Variants in MAGI1 observed in about 807,000 individuals in gnomAD.
MAGI1 encodes the protein membrane-associated guanylate kinase, WW and PDZ domain-containing protein 1.
Under a neutral mutation model 139.9 loss-of-function variants are expected in MAGI1, and 58 were observed. The observed-to-expected ratio is 0.41, with a 90% CI of 0.34 to 0.52. MAGI1 has a LOEUF of 0.52. Among genes scored for constraint, MAGI1 ranks in the 20% least tolerant of loss-of-function variants. The probability of loss-of-function intolerance (pLI) is 0.12; values close to 1 mark genes in which losing one functional copy is unlikely to be tolerated. For synonymous variants in MAGI1, 812 were observed against 737.9 expected, an observed-to-expected ratio of 1.10 and a Z score of -1.63; for missense variants, 1,874 against 1,901.6, an observed-to-expected ratio of 0.99 and a Z score of 0.27.
intron 2 of MAGI1, among the ~76,000 whole-genome samples, chr3:65,581,452 G>A (rs1006406185): frequency 6.6e-6 from 1 of 152,052 alleles, no homozygotes; most frequent in African/African-American, 2.4e-5. Context: ...CACATGACCC[G>A]ATTCTCTATT....
At chr3:65,677,298 C>T (rs1215805440) in intron 1 of MAGI1, among the ~76,000 whole-genome samples, 1 of 151,872 alleles carries the variant, frequency 6.6e-6, no homozygotes, top group African/African-American at 2.4e-5. Context: ...TTACTATTGG[C>T]CAGCTAGGGT....
intron 2 of MAGI1, among the ~76,000 whole-genome samples, chr3:65,571,531 C>T (rs2080959883): frequency 6.6e-6 from 1 of 151,888 alleles, no homozygotes. Context: ...CCTTTAAAAG[C>T]AAGTAATGAT....
intron 2 of MAGI1, among the ~76,000 whole-genome samples, chr3:65,614,686 C>G (rs963283962): frequency 2.0e-5 from 3 of 152,038 alleles, no homozygotes; most frequent in Non-Finnish European, 4.4e-5. Flanking sequence ...CATGGTACAA[C>G]TAACCAAACA....
At chr3:65,605,494 C>A (rs1270785150) in intron 2 of MAGI1, among the ~76,000 whole-genome samples, 1 of 152,146 alleles carries the variant, frequency 6.6e-6, no homozygotes, top group Non-Finnish European at 1.5e-5. Flanking sequence ...GTAGGCCATG[C>A]ACAACTGTAA....
intron 2 of MAGI1, among the ~76,000 whole-genome samples, chr3:65,509,082 C>G (rs578215130): frequency 1.2e-4 from 18 of 152,316 alleles, no homozygotes; most frequent in Non-Finnish European, 1.9e-4. Flanking sequence ...GTTAGGCTCT[C>G]ATTTTCTGGG....
At chr3:65,526,886 A>G (rs1357161058) in intron 2 of MAGI1, among the ~76,000 whole-genome samples, 2 of 152,208 alleles carry the variant, frequency 1.3e-5, no homozygotes, top group Non-Finnish European at 2.9e-5. Flanking sequence ...ATCAATCATT[A>G]ACAGTAACTC....
chr3:65,427,266 G>A (rs915906893), intron 12 of MAGI1, among the ~76,000 whole-genome samples: 11 of 151,956 alleles, frequency 7.2e-5, no homozygotes, highest in African/African-American at 2.7e-4. Flanking sequence ...GAGCTGAGAT[G>A]GCACCACTGC....
At chr3:65,824,813 A>G (rs1392006008) in intron 1 of MAGI1, among the ~76,000 whole-genome samples, 5 of 152,244 alleles carry the variant, frequency 3.3e-5, no homozygotes, top group African/African-American at 1.2e-4. Flanking sequence ...GTAAGTTATA[A>G]GAAATATCTC....
chr3:65,515,287 T>G (rs2077811117), intron 2 of MAGI1, among the ~76,000 whole-genome samples: 1 of 151,692 alleles, frequency 6.6e-6, no homozygotes, highest in Non-Finnish European at 1.5e-5. Flanking sequence ...TGTGCACATG[T>G]ACCCTAAAAC....
At chr3:65,460,469 C>T (rs1224138778) in intron 5 of MAGI1, among the ~76,000 whole-genome samples, 1 of 151,736 alleles carries the variant, frequency 6.6e-6, no homozygotes, top group Non-Finnish European at 1.5e-5. Context: ...CAAATTCATC[C>T]CTCATTATCT....
At chr3:65,782,795 T>C (rs538297928) in intron 1 of MAGI1, among the ~76,000 whole-genome samples, 17 of 151,972 alleles carry the variant, frequency 1.1e-4, no homozygotes, top group African/African-American at 4.1e-4. Context: ...ATAAGTGTTA[T>C]CTTATTAAGT....
chr3:65,780,313 C>A (rs2038828842), intron 1 of MAGI1, among the ~76,000 whole-genome samples: 1 of 152,208 alleles, frequency 6.6e-6, no homozygotes, highest in African/African-American at 2.4e-5. Flanking sequence ...AGTGACACAT[C>A]ACGCCCAGCC....
intron 1 of MAGI1, among the ~76,000 whole-genome samples, chr3:65,784,707 C>T (rs549839908): frequency 1.5e-5 from 1 of 66,468 alleles, no homozygotes; most frequent in Non-Finnish European, 2.9e-5. Context: ...TCCGTCTCAA[C>T]AACAACAACA....
intron 1 of MAGI1, among the ~76,000 whole-genome samples, chr3:65,752,839 A>G (rs2036260745): frequency 6.6e-6 from 1 of 152,202 alleles, no homozygotes; most frequent in South Asian, 2.1e-4. Context: ...GAATCCTGTT[A>G]GGTCAGTGCA....
intron 1 of MAGI1, among the ~76,000 whole-genome samples, chr3:65,759,252 A>G (rs116654892): frequency 6.6e-6 from 1 of 152,124 alleles, no homozygotes. Flanking sequence ...TATTGAACTG[A>G]GCTGCTAAAA....
In MAGI1 at chr3:66,037,910, G is replaced by A. The variant is rs1401057670; in HGVS notation, c.313+86C>T. Reference sequence around the variant, plus strand: ...ACTTCTCTTCACTGCGCTCCGAGGAGGGAAGCAGGAAATCGAGAATAAGGG... The same window carrying A: ...ACTTCTCTTCACTGCGCTCCGAGGAAGGAAGCAGGAAATCGAGAATAAGGG... On this transcript the variant is annotated intron_variant, in intron 1 of 22. Transcript: ENST00000402939. 5 of 1,508,600 alleles carry A rather than the reference G, an allele frequency of 3.3e-6. No individual in the cohort carries two copies. The East Asian group carries it at 9.2e-5, about 28-fold the overall frequency. 93.5% of individuals were successfully genotyped at this position (1,508,600 alleles called of 1,614,324 possible).
chr3:65,950,106 A>AAAAAAAAAAC (rs796698272), intron 1 of MAGI1, among the ~76,000 whole-genome samples: 12 of 84,184 alleles, frequency 1.4e-4, no homozygotes, highest in Admixed American at 5.1e-4. Context: ...AAAAAAAAAA[A>AAAAAAAAAAC]CAGAACTAGC....
intron 1 of MAGI1, among the ~76,000 whole-genome samples, chr3:65,629,724 C>A (rs1333617774): frequency 3.3e-5 from 5 of 152,160 alleles, no homozygotes; most frequent in African/African-American, 4.8e-5. Flanking sequence ...AGGATGTTTG[C>A]TACTTGCTTT....
At chr3:66,010,864 T>C (rs1467572728) in intron 1 of MAGI1, among the ~76,000 whole-genome samples, 1 of 152,206 alleles carries the variant, frequency 6.6e-6, no homozygotes, top group Non-Finnish European at 1.5e-5. Context: ...AGAGCAAATA[T>C]TTTATGGCCG....
Sources: allele counts gnomAD v4.1 joint callset (sites outside exome capture counted in the v4.1 genomes callset), GRCh38; gene constraint gnomAD v4.1.1; transcripts MANE v1.5; gene names NCBI Gene and HGNC (gene_info 2026-07-23, HGNC 2026-07-21).